The following INPP4B variants were observed in gnomAD, a reference collection of about 807,000 sequenced individuals.
The protein encoded by INPP4B is inositol polyphosphate 4-phosphatase type II.
A neutral mutation model predicts 122.5 loss-of-function variants in INPP4B; 55 were observed. The ratio of observed to expected loss-of-function variants is 0.45; its 90% CI spans 0.36 to 0.56. The LOEUF (loss-of-function observed/expected upper bound fraction) is 0.56, where lower values mean the gene tolerates loss of function less well. Ranked by LOEUF, INPP4B falls within the 20% of genes least tolerant of loss-of-function variation. The probability of loss-of-function intolerance (pLI) is 0.00; values close to 1 mark genes in which losing one functional copy is unlikely to be tolerated. For synonymous variants in INPP4B, 403 were observed against 388.7 expected (o/e 1.04, Z -0.43); for missense variants, 1,000 against 1,097.7 (o/e 0.91, Z 1.26).
chr4:142,511,133 T>C (rs892464434), intron 2 of INPP4B, among the ~76,000 whole-genome samples: 6 of 152,162 alleles, frequency 3.9e-5, no homozygotes, highest in Admixed American at 6.5e-5. Context: ...TTGTTCAATA[T>C]ACTATTCCTA....
intron 2 of INPP4B, among the ~76,000 whole-genome samples, chr4:142,686,468 G>C (rs561269085): frequency 1.3e-5 from 2 of 152,050 alleles, no homozygotes; most frequent in African/African-American, 4.8e-5. Flanking sequence ...CCTAATGAAG[G>C]CTGGAGCACA....
In INPP4B at chr4:142,093,618, A is replaced by C. The variant is rs11932444; in HGVS notation, c.2375-7362T>G. ...ATTATAGTTAACTGTACTAGCAAGC[A>C]GACAAATGCAATTAGGTAAAAGCCA... On this transcript the variant is annotated intron_variant, in intron 23 of 25. Transcript: ENST00000262992. 3.8e-3 allele frequency among the ~76,000 whole-genome samples: 573 copies of C among 152,328 alleles called. 4 individuals carry two copies. Among genetic ancestry groups the C allele is most frequent in the African/African-American group, 0.013 (549 of 41,584 alleles).
intron 2 of INPP4B, among the ~76,000 whole-genome samples, chr4:142,645,624 C>T (rs1364513177): frequency 6.6e-6 from 1 of 152,102 alleles, no homozygotes; most frequent in Non-Finnish European, 1.5e-5. Flanking sequence ...ATATTTTTAG[C>T]CCACGAGGCA....
At chr4:142,811,433 G>C (rs899204339) in intron 1 of INPP4B, among the ~76,000 whole-genome samples, 1 of 152,184 alleles carries the variant, frequency 6.6e-6, no homozygotes, top group African/African-American at 2.4e-5. Flanking sequence ...CCCTCCAACT[G>C]CATGAACATG....
At chr4:142,652,493 CCTT>C (rs1753197399) in intron 2 of INPP4B, among the ~76,000 whole-genome samples, 2 of 152,150 alleles carry the variant, frequency 1.3e-5, no homozygotes, top group African/African-American at 2.4e-5. Flanking sequence ...CCCAAAATCT[CCTT>C]AAGCTGATCA....
At chr4:142,669,000 G>A (rs1434416570) in intron 2 of INPP4B, among the ~76,000 whole-genome samples, 1 of 152,230 alleles carries the variant, frequency 6.6e-6, no homozygotes, top group African/African-American at 2.4e-5. Flanking sequence ...AGCTTGCAAT[G>A]AGCGGAGATT....
intron 2 of INPP4B, among the ~76,000 whole-genome samples, chr4:142,699,771 A>C (rs1264408887): frequency 6.6e-6 from 1 of 152,138 alleles, no homozygotes; most frequent in East Asian, 1.9e-4. Context: ...AAGGTATGCA[A>C]TATCTAGACC....
chr4:142,482,890 C>T (rs1193997902), intron 2 of INPP4B, among the ~76,000 whole-genome samples: 1 of 152,022 alleles, frequency 6.6e-6, no homozygotes, highest in African/African-American at 2.4e-5. Flanking sequence ...GAGAAGAGAT[C>T]ATGTGCATTT....
At chr4:142,094,385 A>G (rs3756111) in intron 23 of INPP4B, among the ~76,000 whole-genome samples, 39,213 of 152,088 alleles carry the variant, frequency 0.26, 5,142 homozygotes, top group East Asian at 0.3. Flanking sequence ...AAACTCCCTC[A>G]TCCCTGCATT....
chr4:142,631,528 C>A (rs770344346), intron 2 of INPP4B, among the ~76,000 whole-genome samples: 43 of 151,900 alleles, frequency 2.8e-4, no homozygotes, highest in Non-Finnish European at 5.4e-4. Flanking sequence ...TTATTGGAAA[C>A]AATACGGACT....
chr4:142,121,629 C>G (rs575643382), intron 21 of INPP4B, among the ~76,000 whole-genome samples: 3 of 152,074 alleles, frequency 2.0e-5, no homozygotes, highest in African/African-American at 4.8e-5. Flanking sequence ...TATTGAAAAC[C>G]CTTCTCGGAA....
chr4:142,475,079 A>G (rs1258236228), intron 2 of INPP4B, among the ~76,000 whole-genome samples: 2 of 152,320 alleles, frequency 1.3e-5, no homozygotes, highest in East Asian at 3.9e-4. Flanking sequence ...TGACCCAGAA[A>G]AGATATGGCC....
At chr4:142,679,740 C>T (rs1758336274) in intron 2 of INPP4B, among the ~76,000 whole-genome samples, 1 of 151,690 alleles carries the variant, frequency 6.6e-6, no homozygotes, top group South Asian at 2.1e-4. Context: ...AGAGTACTCT[C>T]TATCGGATAA....
chr4:142,470,465 T>C (rs1818608035), intron 2 of INPP4B, among the ~76,000 whole-genome samples: 1 of 152,192 alleles, frequency 6.6e-6, no homozygotes, highest in South Asian at 2.1e-4. Context: ...CTTTCCTACA[T>C]TCCCAAGAGT....
In INPP4B at chr4:142,197,802, C is replaced by A. The variant is rs565426686; in HGVS notation, c.1073-4607G>T. On this transcript the variant is annotated intron_variant, in intron 14 of 25. Transcript: ENST00000262992. ...TAATACTATAAGATAAATGTTATTTCCCCAACTTTATAGATAATAAAACAG... is the reference window on the plus strand; with the variant it reads ...TAATACTATAAGATAAATGTTATTTACCCAACTTTATAGATAATAAAACAG... Among the ~76,000 whole-genome samples, 40 of 152,134 alleles carry A rather than the reference C, an allele frequency of 2.6e-4. 1 individual carries two copies. The South Asian group carries it at 7.5e-3, about 28-fold the overall frequency.
intron 16 of INPP4B, among the ~76,000 whole-genome samples, chr4:142,163,192 GA>G (rs577361150): frequency 6.6e-6 from 1 of 150,972 alleles, no homozygotes; most frequent in African/African-American, 2.4e-5. Context: ...AATATTAAGT[GA>G]AAAAAAAGAA....
intron 2 of INPP4B, among the ~76,000 whole-genome samples, chr4:142,553,448 T>C (rs1425520): frequency 0.48 from 73,146 of 152,098 alleles, 20,341 homozygotes; most frequent in Non-Finnish European, 0.64. Context: ...TTCTATGCCC[T>C]TTCATATCCC....
chr4:142,095,948 T>C (rs1781617362), intron 23 of INPP4B: 1 of 152,184 alleles, frequency 6.6e-6, no homozygotes, highest in Non-Finnish European at 1.5e-5. Flanking sequence ...AAATTGACAG[T>C]GGAAATTTTA....
chr4:142,804,339 G>T (rs978001162), intron 1 of INPP4B, among the ~76,000 whole-genome samples: 2 of 152,062 alleles, frequency 1.3e-5, no homozygotes, highest in African/African-American at 4.8e-5. Flanking sequence ...CTGCGTCTGG[G>T]TCTTATTCTC....
Sources: gnomAD v4.1 joint callset for allele counts (sites outside exome capture counted in the v4.1 genomes callset) on GRCh38, gnomAD v4.1.1 for gene constraint, MANE v1.5 for transcripts, NCBI Gene and HGNC (gene_info 2026-07-23, HGNC 2026-07-21) for gene names.